GALNTL6: variants seen among roughly 807,000 people sequenced by gnomAD.
GALNTL6 encodes polypeptide N-acetylgalactosaminyltransferase like 6, also known as polypeptide N-acetylgalactosaminyltransferase-like 6.
A neutral mutation model predicts 73.7 loss-of-function variants in GALNTL6; 46 were observed. The observed-to-expected ratio is 0.62, with a 90% confidence interval of 0.49 to 0.80. The LOEUF (loss-of-function observed/expected upper bound fraction) is 0.80. Ranked by LOEUF, GALNTL6 falls within the 30% of genes least tolerant of loss-of-function variation. The pLI is 0.00. For missense variants in GALNTL6, 604 were observed against 755.0 expected (o/e 0.80, Z 2.34); for synonymous variants, 259 against 263.7 (o/e 0.98, Z 0.17).
intron 5 of GALNTL6, among the ~76,000 whole-genome samples, chr4:172,462,410 A>G (rs759475177): frequency 1.3e-5 from 2 of 152,128 alleles, no homozygotes; most frequent in African/African-American, 4.8e-5. Flanking sequence ...TAGAGACAGG[A>G]TGTTATGCAT....
intron 10 of GALNTL6, among the ~76,000 whole-genome samples, chr4:172,968,124 C>T (rs1026869125): frequency 6.6e-6 from 1 of 152,228 alleles, no homozygotes; most frequent in South Asian, 2.1e-4. Context: ...GACAAGAAAT[C>T]CCTCAAGTAC....
intron 5 of GALNTL6, among the ~76,000 whole-genome samples, chr4:172,622,956 G>A (rs1324510739): frequency 6.6e-6 from 1 of 152,070 alleles, no homozygotes; most frequent in Admixed American, 6.6e-5. Flanking sequence ...TTTTAAGAGA[G>A]AAAATGTAAT....
intron 2 of GALNTL6, among the ~76,000 whole-genome samples, chr4:171,979,449 A>G (rs932595756): frequency 6.6e-6 from 1 of 152,220 alleles, no homozygotes; most frequent in African/African-American, 2.4e-5. Flanking sequence ...AAGGGCTAGA[A>G]ATTGGACAAA....
intron 10 of GALNTL6, among the ~76,000 whole-genome samples, chr4:172,958,432 A>C (rs993399913): frequency 3.3e-5 from 5 of 152,202 alleles, no homozygotes; most frequent in Non-Finnish European, 5.9e-5. Flanking sequence ...GCTGTCTTCA[A>C]GGAACAGAAA....
chr4:172,285,180 T>C (rs1335164138), intron 3 of GALNTL6, among the ~76,000 whole-genome samples: 1 of 152,164 alleles, frequency 6.6e-6, no homozygotes, highest in Non-Finnish European at 1.5e-5. Context: ...ACCTTGCATT[T>C]GTTGAAGGGA....
At chr4:171,905,643 C>T (rs1737253072) in intron 2 of GALNTL6, among the ~76,000 whole-genome samples, 1 of 150,166 alleles carries the variant, frequency 6.7e-6, no homozygotes, top group South Asian at 2.1e-4. Flanking sequence ...CCAAGTGGAC[C>T]TAATAGACAT....
At chr4:172,367,193 C>T (rs753865331) in intron 5 of GALNTL6, among the ~76,000 whole-genome samples, 5 of 152,190 alleles carry the variant, frequency 3.3e-5, no homozygotes, top group Admixed American at 1.3e-4. Flanking sequence ...ATAGGCATCA[C>T]GCGTTTTGAT....
At chr4:172,267,347 G>A (rs1004415924) in intron 3 of GALNTL6, among the ~76,000 whole-genome samples, 1 of 152,096 alleles carries the variant, frequency 6.6e-6, no homozygotes, top group Admixed American at 6.6e-5. Context: ...AAATAAAACA[G>A]TAAAAGCACA....
At chr4:172,859,429 C>G (rs1029017127) in intron 7 of GALNTL6, among the ~76,000 whole-genome samples, 3 of 151,598 alleles carry the variant, frequency 2.0e-5, no homozygotes, top group African/African-American at 7.3e-5. Flanking sequence ...TATAAGAAGC[C>G]CATAGAGATC....
intron 2 of GALNTL6, among the ~76,000 whole-genome samples, chr4:172,021,059 A>C (rs1032357306): frequency 2.6e-5 from 4 of 152,074 alleles, no homozygotes; most frequent in African/African-American, 9.7e-5. Flanking sequence ...CCATATAATA[A>C]TTTCAATTGA....
intron 2 of GALNTL6, among the ~76,000 whole-genome samples, chr4:171,884,388 A>C (rs1302476953): frequency 6.6e-6 from 1 of 152,200 alleles, no homozygotes; most frequent in Non-Finnish European, 1.5e-5. Flanking sequence ...TTGTTCTTCA[A>C]AATAATCTAA....
At chr4:172,745,648 G>A (rs1239752552) in intron 5 of GALNTL6, among the ~76,000 whole-genome samples, 2 of 151,894 alleles carry the variant, frequency 1.3e-5, no homozygotes, top group Non-Finnish European at 2.9e-5. Flanking sequence ...AGGCAGAAGT[G>A]GTCACAATGG....
chr4:172,492,066 C>T (rs1183699029), intron 5 of GALNTL6, among the ~76,000 whole-genome samples: 14 of 147,676 alleles, frequency 9.5e-5, no homozygotes, highest in African/African-American at 2.9e-4. Context: ...AACACGGAAG[C>T]GGTCTATTCA....
At chr4:172,709,498 A>C (rs1484685516) in intron 5 of GALNTL6, among the ~76,000 whole-genome samples, 1 of 152,182 alleles carries the variant, frequency 6.6e-6, no homozygotes, top group Non-Finnish European at 1.5e-5. Flanking sequence ...TAGGAGAAAC[A>C]GCTGAGGCTG....
At chr4:172,524,989 A>T (rs992591297) in intron 5 of GALNTL6, among the ~76,000 whole-genome samples, 1 of 152,218 alleles carries the variant, frequency 6.6e-6, no homozygotes, top group East Asian at 1.9e-4. Flanking sequence ...ATCAAGTGCT[A>T]TATTTTTTAG....
chr4:172,594,117 C>A (rs191261300), intron 5 of GALNTL6, among the ~76,000 whole-genome samples: 22 of 152,022 alleles, frequency 1.4e-4, no homozygotes, highest in Admixed American at 3.3e-4. Flanking sequence ...GAGGCCGAGG[C>A]GGGTGGATCA....
intron 5 of GALNTL6, among the ~76,000 whole-genome samples, chr4:172,644,791 T>C (rs560644447): frequency 6.6e-6 from 1 of 152,062 alleles, no homozygotes; most frequent in African/African-American, 2.4e-5. Flanking sequence ...TTGTTTAGGC[T>C]TACAAGATAC....
chr4:171,986,159 G>T (rs1178338359), intron 2 of GALNTL6, among the ~76,000 whole-genome samples: 1 of 151,612 alleles, frequency 6.6e-6, no homozygotes, highest in African/African-American at 2.4e-5. Flanking sequence ...GAGCAATAAA[G>T]CTGTTTATTT....
At chr4:172,182,655 A>AG (rs1194666866) in intron 2 of GALNTL6, among the ~76,000 whole-genome samples, 1 of 151,360 alleles carries the variant, frequency 6.6e-6, no homozygotes. Flanking sequence ...AATCATTTCT[A>AG]GGGGGGAGTA....
Sources: allele counts gnomAD v4.1 joint callset (sites outside exome capture counted in the v4.1 genomes callset), GRCh38; gene constraint gnomAD v4.1.1; transcripts MANE v1.5; gene names NCBI Gene and HGNC (gene_info 2026-07-23, HGNC 2026-07-21).